Variants in MAP3K20 observed in about 807,000 individuals in gnomAD.
MAP3K20 encodes the protein HCCS-4.
MAP3K20 carries 40 observed loss-of-function variants against 85.7 expected under a neutral mutation model. The ratio of observed to expected loss-of-function variants is 0.47; its 90% CI spans 0.36 to 0.61. MAP3K20 has a LOEUF of 0.61. Ranked by LOEUF, MAP3K20 falls within the 20% of genes least tolerant of loss-of-function variation. The pLI is 0.00. For missense variants in MAP3K20, 817 were observed against 961.7 expected (o/e 0.85, Z 1.99); for synonymous variants, 325 against 327.7 (o/e 0.99, Z 0.09).
intron 17 of MAP3K20, among the ~76,000 whole-genome samples, chr2:173,260,860 A>G (rs979929105): frequency 6.6e-6 from 1 of 152,250 alleles, no homozygotes; most frequent in African/African-American, 2.4e-5. Flanking sequence ...TTACAAATAT[A>G]CAAAAGGATG....
At chr2:173,213,754 A>G (rs933662312) in intron 10 of MAP3K20, among the ~76,000 whole-genome samples, 1 of 152,236 alleles carries the variant, frequency 6.6e-6, no homozygotes, top group Non-Finnish European at 1.5e-5. Flanking sequence ...CTGTCTTCTC[A>G]TTAGCATGCA....
At chr2:173,078,310 A>G (rs3769209) in intron 1 of MAP3K20, among the ~76,000 whole-genome samples, 3,062 of 152,328 alleles carry the variant, frequency 0.02, 55 homozygotes, top group Admixed American at 0.041. Flanking sequence ...AAATGAATTT[A>G]GATCACTTGT....
intron 1 of MAP3K20, among the ~76,000 whole-genome samples, chr2:173,081,325 C>T (rs1687008638): frequency 6.6e-6 from 1 of 151,876 alleles, no homozygotes; most frequent in African/African-American, 2.4e-5. Context: ...CCTTGCCTGG[C>T]TTATTCCCCA....
chr2:173,221,576 A>G (rs1337068764), intron 11 of MAP3K20: 2 of 1,454,374 alleles, frequency 1.4e-6, no homozygotes, highest in African/African-American at 1.4e-5. Context: ...GGAAAACACA[A>G]AAGTAACTTG....
At chr2:173,229,202 G>A (rs1241581751) in intron 11 of MAP3K20, among the ~76,000 whole-genome samples, 1 of 152,206 alleles carries the variant, frequency 6.6e-6, no homozygotes, top group African/African-American at 2.4e-5. Context: ...TTCTTCATCC[G>A]TGAGTGCTAA....
Position 173,195,928 on chromosome 2 carries a change from A to ATAAC in MAP3K20, c.583-2096_583-2093dup, listed in dbSNP as rs1690819266. Among the ~76,000 whole-genome samples, 5 of 152,330 alleles carry ATAAC rather than the reference A, an allele frequency of 3.3e-5. No individual in the cohort carries two copies. The South Asian group carries it at 6.2e-4, about 19-fold the overall frequency. On this transcript the variant is annotated intron_variant, in intron 7 of 19. Transcript: ENST00000375213. ...TCACGGTTAGAGCTCTCAGAGAAAT[A>ATAAC]TAACTTAAATTTTATTAGATTTTGG...
At chr2:173,127,288 G>A (rs1688471845) in intron 2 of MAP3K20, among the ~76,000 whole-genome samples, 1 of 152,166 alleles carries the variant, frequency 6.6e-6, no homozygotes, top group Non-Finnish European at 1.5e-5. Flanking sequence ...TTTAAATAAT[G>A]TAATTAAGGA....
chr2:173,190,860 T>A lies in MAP3K20; in HGVS notation c.416-35T>A, dbSNP rs373299357. 22 of 1,550,110 alleles carry A rather than the reference T, an allele frequency of 1.4e-5. No individual in the cohort carries two copies. In the African/African-American group the frequency reaches 2.8e-4, roughly 20 times the overall value. ...TAGAAGACAGCTCAAACAAATTAGATGATTGTCATAATTTATCCTTTTTTC... is the reference window on the plus strand; with the variant it reads ...TAGAAGACAGCTCAAACAAATTAGAAGATTGTCATAATTTATCCTTTTTTC... On this transcript the variant is annotated intron_variant, in intron 5 of 19. Coordinates refer to ENST00000375213, the MANE Select transcript of MAP3K20 (RefSeq NM_016653.3).
chr2:173,128,312 C>CCTAT (rs1553567019), intron 2 of MAP3K20, among the ~76,000 whole-genome samples: 1 of 145,828 alleles, frequency 6.9e-6, no homozygotes, highest in Admixed American at 6.9e-5. Flanking sequence ...TTATAGTTGA[C>CCTAT]TTATTTATTT....
Position 173,267,780 on chromosome 2 carries a change from A to C in MAP3K20, c.*1030A>C, listed in dbSNP as rs1685456063. 1 of 152,240 alleles carries C rather than the reference A, an allele frequency of 6.6e-6. No homozygotes were observed. The highest frequency in any genetic ancestry group is 1.5e-5 in the Non-Finnish European group (1 of 68,052). The allele number at this position is 152,240 out of a possible 1,614,324, so 9.4% of individuals were successfully genotyped here. A position where few individuals can be genotyped will look rare whatever the true frequency, so the allele number is the denominator to read the frequency against. On this transcript the variant is annotated 3_prime_UTR_variant, in exon 20 of 20. Coordinates refer to ENST00000375213, the MANE Select transcript of MAP3K20 (RefSeq NM_016653.3). ...CAAGCTAAAAGCCAGAGAAATTTAA[A>C]ATTACCAACATCCTTGTTGGAGTAA...
At chr2:173,154,204 G>A (rs74265839) in intron 2 of MAP3K20, among the ~76,000 whole-genome samples, 3,281 of 152,196 alleles carry the variant, frequency 0.022, 62 homozygotes, top group South Asian at 0.046. Flanking sequence ...TTTTTTTTGA[G>A]ATGGGATCTT....
intron 18 of MAP3K20, among the ~76,000 whole-genome samples, chr2:173,261,715 A>T (rs1035954873): frequency 1.3e-5 from 2 of 152,188 alleles, no homozygotes; most frequent in African/African-American, 4.8e-5. Context: ...ACTTCATGTA[A>T]ATCAATACTG....
chr2:173,144,779 T>A (rs1689090504), intron 2 of MAP3K20, among the ~76,000 whole-genome samples: 1 of 152,168 alleles, frequency 6.6e-6, no homozygotes. Flanking sequence ...AATGTTACTT[T>A]CCTCCAAAAA....
chr2:173,158,778 T>C (rs953294485), intron 2 of MAP3K20, among the ~76,000 whole-genome samples: 5 of 152,296 alleles, frequency 3.3e-5, no homozygotes, highest in Admixed American at 3.3e-4. Context: ...TGTCTGCCTT[T>C]TACAGATGAG....
intron 2 of MAP3K20, among the ~76,000 whole-genome samples, chr2:173,141,843 CACATT>C (rs1488048788): frequency 6.6e-6 from 1 of 152,030 alleles, no homozygotes; most frequent in Non-Finnish European, 1.5e-5. Context: ...AAAAAAAAGA[CACATT>C]ACATAAAGGA....
intron 10 of MAP3K20, among the ~76,000 whole-genome samples, chr2:173,216,561 T>G (rs1373030858): frequency 6.6e-6 from 1 of 151,966 alleles, no homozygotes; most frequent in East Asian, 1.9e-4. Context: ...ATCAGGCAGG[T>G]AGGAGAACCC....
intron 2 of MAP3K20, among the ~76,000 whole-genome samples, chr2:173,127,155 C>A (rs1026614092): frequency 7.9e-5 from 12 of 152,174 alleles, no homozygotes; most frequent in African/African-American, 2.9e-4. Context: ...GTGACCATTT[C>A]TAATTACAGT....
At chr2:173,241,596 C>T (rs1684785217) in intron 16 of MAP3K20, among the ~76,000 whole-genome samples, 1 of 152,130 alleles carries the variant, frequency 6.6e-6, no homozygotes, top group African/African-American at 2.4e-5. Flanking sequence ...GCCTGGGCAA[C>T]AGAGTAAGAC....
Position 173,258,763 on chromosome 2 carries a change from A to T in MAP3K20, c.1424A>T (p.Asp475Val). The stretch of plus-strand genomic sequence containing the variant: ...GAAATTGCAATAACCTACATAAAAG[A>T]TGTGACATTCAACACTAACCTACCT... ...GDEIAITYIK[D>V]VTFNTNLPDA... Residue 475 changes from aspartate (D) to valine (V), a missense_variant, in exon 17 of 20, where the codon GAT (aspartate) becomes GTT (valine). Around this residue, in one of 4 missense-constraint regions of MAP3K20, gnomAD observed 454 missense variants for 476.9 expected, o/e 0.95. Transcript: ENST00000375213. The T allele has an allele frequency of 6.2e-7, 1 of 1,613,396 alleles. No individual in the cohort carries two copies. Among genetic ancestry groups the T allele is most frequent in the African/African-American group, 1.3e-5 (1 of 75,030 alleles).
Sources: gnomAD v4.1 joint callset for allele counts (sites outside exome capture counted in the v4.1 genomes callset) on GRCh38, gnomAD v4.1.1 for gene constraint, gnomAD v4.1.1 regional missense constraint, MANE v1.5 for transcripts, NCBI Gene and HGNC (gene_info 2026-07-23, HGNC 2026-07-21) for gene names.